SRGAP1: variants seen among roughly 807,000 people sequenced by gnomAD.
SRGAP1 encodes the protein SLIT-ROBO Rho GTPase activating protein 1.
In SRGAP1, 43 loss-of-function variants were observed where a neutral mutation model predicts 121.9. That is an observed-to-expected ratio of 0.35 (90% CI 0.28 to 0.46). The LOEUF is 0.46. Ranked by LOEUF, SRGAP1 falls within the 20% of genes least tolerant of loss-of-function variation. The probability of loss-of-function intolerance (pLI) is 1.00; values close to 1 mark genes in which losing one functional copy is unlikely to be tolerated. For missense variants in SRGAP1, 1,102 were observed against 1,350.9 expected (o/e 0.82, Z 2.89); for synonymous variants, 447 against 485.4 (o/e 0.92, Z 1.04).
intron 1 of SRGAP1, chr12:63,879,102 T>G (rs1900114075): frequency 6.6e-6 from 1 of 152,202 alleles, no homozygotes; most frequent in Admixed American, 6.5e-5. Context: ...TCTTTCAGTC[T>G]CACGTGATCC....
chr12:63,966,805 G>A (rs1018948848), intron 1 of SRGAP1, among the ~76,000 whole-genome samples: 2 of 152,214 alleles, frequency 1.3e-5, no homozygotes, highest in African/African-American at 2.4e-5. Context: ...AAATGGGTAA[G>A]TAAATCGGCT....
At position 64,154,885 on chromosome 12, in the gene SRGAP1, G is replaced by A. The variant is rs899966743; in HGVS notation, c.*12213G>A. 3 of 152,824 alleles carry A rather than the reference G, an allele frequency of 2.0e-5. No individual in the cohort carries two copies. Among genetic ancestry groups the A allele is most frequent in the African/African-American group, 4.8e-5 (2 of 41,440 alleles). 9.5% of individuals were successfully genotyped at this position (152,824 alleles called of 1,614,324 possible). A position where few individuals can be genotyped will look rare whatever the true frequency, so the allele number is the denominator to read the frequency against. ...GGTGGAGTGAGGAGCTGGCAGAGGA[G>A]ACAGAAGGAGCAGCCAGGGCGGAGG... is the stretch of plus-strand genomic sequence containing the variant. On this transcript the variant is annotated 3_prime_UTR_variant, in exon 22 of 22. Coordinates refer to ENST00000355086, the MANE Select transcript of SRGAP1 (RefSeq NM_020762.4).
intron 1 of SRGAP1, among the ~76,000 whole-genome samples, chr12:63,960,363 G>A (rs149632162): frequency 6.6e-6 from 1 of 151,924 alleles, no homozygotes; most frequent in African/African-American, 2.4e-5. Context: ...CCCCTCCACC[G>A]CCAGCTGGTT....
At chr12:63,936,113 TA>T (rs1221214188) in intron 1 of SRGAP1, among the ~76,000 whole-genome samples, 3 of 149,344 alleles carry the variant, frequency 2.0e-5, no homozygotes, top group Non-Finnish European at 4.4e-5. Flanking sequence ...TAATAACAGT[TA>T]TTTTTTTAAA....
At chr12:64,062,872 A>G (rs1375541784) in intron 6 of SRGAP1, 45 bp from the exon 7 acceptor site, 1 of 1,499,286 alleles carries the variant, frequency 6.7e-7, no homozygotes, top group Non-Finnish European at 9.2e-7. Flanking sequence ...GTCTTTGATC[A>G]ATTTTGCATT....
intron 4 of SRGAP1, among the ~76,000 whole-genome samples, chr12:64,017,783 T>G (rs909958302): frequency 3.3e-5 from 5 of 152,218 alleles, no homozygotes; most frequent in Non-Finnish European, 5.9e-5. Flanking sequence ...AAACTACTTT[T>G]GAAGGATATC....
At chr12:64,024,353 T>G (rs1334852447) in intron 4 of SRGAP1, among the ~76,000 whole-genome samples, 1 of 151,936 alleles carries the variant, frequency 6.6e-6, no homozygotes. Flanking sequence ...ATCACCTGAG[T>G]CCAGGAGGTC....
At chr12:64,013,569 G>A (rs1422895226) in intron 3 of SRGAP1, among the ~76,000 whole-genome samples, 6 of 152,138 alleles carry the variant, frequency 3.9e-5, no homozygotes, top group Non-Finnish European at 7.3e-5. Context: ...ATAGCCAAGG[G>A]TCTACCTACT....
intron 3 of SRGAP1, among the ~76,000 whole-genome samples, chr12:63,994,371 T>C (rs1335889461): frequency 1.3e-5 from 2 of 152,200 alleles, no homozygotes; most frequent in Non-Finnish European, 2.9e-5. Flanking sequence ...TTACTACTTA[T>C]TATGAAGTTC....
chr12:64,095,136 A>C lies in SRGAP1; in HGVS notation c.1610A>C (p.His537Pro). 6.2e-7 allele frequency: 1 copy of C among 1,614,134 alleles called. No individual in the cohort carries two copies. Among genetic ancestry groups the C allele is most frequent in the Non-Finnish European group, 8.5e-7 (1 of 1,180,006 alleles). ...IRFINLYGLQHQGIFRVSGSQ... is the reference protein window; with the variant it reads ...IRFINLYGLQPQGIFRVSGSQ... ...CTTCTTTTCTCTTTAGGTCTTCAGCATCAGGGGATTTTCAGAGTGTCTGGT... is the reference window on the plus strand; with the variant it reads ...CTTCTTTTCTCTTTAGGTCTTCAGCCTCAGGGGATTTTCAGAGTGTCTGGT... The change falls in exon 14 of 22, where the codon CAT (histidine) becomes CCT (proline). Residue 537 changes from histidine to proline, a missense_variant. This residue lies in a region of SRGAP1 where 747 missense variants were observed against 929.4 expected (regional missense o/e 0.80). Coordinates refer to ENST00000355086, the MANE Select transcript of SRGAP1 (RefSeq NM_020762.4).
chr12:63,887,215 G>A (rs868792233), intron 1 of SRGAP1, among the ~76,000 whole-genome samples: 5 of 152,150 alleles, frequency 3.3e-5, no homozygotes. Flanking sequence ...TGGAGGCTCA[G>A]TGACCCCAGA....
At chr12:63,911,298 CA>C (rs10715790) in intron 1 of SRGAP1, among the ~76,000 whole-genome samples, 32,651 of 90,296 alleles carry the variant, frequency 0.36, 3,428 homozygotes, top group East Asian at 0.59. Context: ...GACTCTGTCT[CA>C]AAAAAAAAAA....
At chr12:64,025,127 C>A (rs1008237408) in intron 4 of SRGAP1, among the ~76,000 whole-genome samples, 1 of 150,394 alleles carries the variant, frequency 6.6e-6, no homozygotes, top group African/African-American at 2.5e-5. Context: ...ATCTTTGAAG[C>A]CCTTGTCTCT....
chr12:63,871,018 ACAGGCCCCACCT>A (rs1459054635), intron 1 of SRGAP1, among the ~76,000 whole-genome samples: 1 of 152,120 alleles, frequency 6.6e-6, no homozygotes, highest in Non-Finnish European at 1.5e-5. Context: ...GCCACTTGAC[ACAGGCCCCACCT>A]CAGGCCCCCA....
chr12:64,036,145 G>A (rs548874731), intron 4 of SRGAP1, among the ~76,000 whole-genome samples: 9 of 152,300 alleles, frequency 5.9e-5, no homozygotes, highest in African/African-American at 9.6e-5. Flanking sequence ...CATGGCACAC[G>A]TGTCCTGAGT....
At chr12:63,897,667 T>TCA (rs1900798622) in intron 1 of SRGAP1, among the ~76,000 whole-genome samples, 1 of 152,194 alleles carries the variant, frequency 6.6e-6, no homozygotes, top group African/African-American at 2.4e-5. Flanking sequence ...TTTCCCACAG[T>TCA]TTTATTAAAA....
chr12:64,138,130 C>T (rs1364941864), intron 21 of SRGAP1, among the ~76,000 whole-genome samples: 1 of 152,026 alleles, frequency 6.6e-6, no homozygotes, highest in Non-Finnish European at 1.5e-5. Flanking sequence ...TTTCACCCTC[C>T]TCCAGTCCCT....
At chr12:64,121,831 C>G (rs1415785818) in intron 18 of SRGAP1, among the ~76,000 whole-genome samples, 1 of 117,530 alleles carries the variant, frequency 8.5e-6, no homozygotes, top group Non-Finnish European at 2.0e-5. Context: ...CCATGTTCAC[C>G]TGATTTTTTG....
At chr12:63,936,184 A>G (rs775686490) in intron 1 of SRGAP1, among the ~76,000 whole-genome samples, 1 of 152,246 alleles carries the variant, frequency 6.6e-6, no homozygotes, top group Non-Finnish European at 1.5e-5. Flanking sequence ...AATAAGAGAT[A>G]CACGAATCCA....
Sources: allele counts gnomAD v4.1 joint callset (sites outside exome capture counted in the v4.1 genomes callset), GRCh38; gene constraint gnomAD v4.1.1; regional missense constraint gnomAD v4.1.1; transcripts MANE v1.5; gene names NCBI Gene and HGNC (gene_info 2026-07-23, HGNC 2026-07-21).